Variants in HAT1 observed in about 807,000 individuals in gnomAD.
The protein encoded by HAT1 is histone acetyltransferase 1.
In HAT1, 20 loss-of-function variants were observed where a neutral mutation model predicts 56.6. That is an observed-to-expected ratio of 0.35 (90% confidence interval 0.25 to 0.51). HAT1 has a LOEUF of 0.51. HAT1 is among the 20% of genes least tolerant of loss of function. HAT1 has a pLI of 0.95. For missense variants in HAT1, 408 were observed against 504.3 expected (o/e 0.81, Z 1.83); for synonymous variants, 146 against 165.5 (o/e 0.88, Z 0.91).
chr2:171,963,128 G>A (rs1045071984), intron 4 of HAT1, among the ~76,000 whole-genome samples: 4 of 151,144 alleles, frequency 2.6e-5, no homozygotes, highest in Admixed American at 2.6e-4. Context: ...AAGCGAAGTT[G>A]TAAATTCTAG....
chr2:171,932,840 G>C (rs1021127050), intron 2 of HAT1, among the ~76,000 whole-genome samples: 5 of 152,166 alleles, frequency 3.3e-5, no homozygotes, highest in Admixed American at 1.3e-4. Context: ...CTGCACTCCA[G>C]TCTGGGTGAC....
intron 2 of HAT1, among the ~76,000 whole-genome samples, chr2:171,938,398 A>G (rs1275448206): frequency 6.6e-6 from 1 of 152,100 alleles, no homozygotes; most frequent in African/African-American, 2.4e-5. Context: ...TGGTTTTGGG[A>G]TGATTCAAGC....
rs906886693 is a variant in HAT1, at chr2:171,966,841, A to C, written c.717-2A>C. The C allele has an allele frequency of 7.0e-7, 1 of 1,426,212 alleles. No individual in the cohort carries two copies. Among genetic ancestry groups the C allele is most frequent in the Non-Finnish European group, 9.9e-7 (1 of 1,012,538 alleles). The allele number at this position is 1,426,212 out of a possible 1,614,324, so 88.3% of individuals were successfully genotyped here. ...AATTTTAAAATAATTTCTTTACTGT[A>C]GTCAGATGCTGATTTTGACTCCATT... On this transcript the variant is annotated splice_acceptor_variant, in intron 7 of 10. Transcript: ENST00000264108. LOFTEE classifies it high-confidence loss of function.
At chr2:171,978,658 T>C (rs1313875903) in intron 9 of HAT1, among the ~76,000 whole-genome samples, 2 of 152,192 alleles carry the variant, frequency 1.3e-5, no homozygotes, top group Non-Finnish European at 1.5e-5. Context: ...GCCCTCATCG[T>C]TTTTTATGTG....
At chr2:171,926,890 G>T (rs1462402368) in intron 2 of HAT1, among the ~76,000 whole-genome samples, 1 of 152,212 alleles carries the variant, frequency 6.6e-6, no homozygotes, top group Non-Finnish European at 1.5e-5. Flanking sequence ...CCAAAAAAAT[G>T]TAAGAAACCC....
intron 2 of HAT1, among the ~76,000 whole-genome samples, chr2:171,930,939 GATT>G (rs1469595774): frequency 6.6e-6 from 1 of 151,880 alleles, no homozygotes; most frequent in Non-Finnish European, 1.5e-5. Context: ...TTTAGATGTA[GATT>G]ATTTCAGATT....
At chr2:171,938,076 T>TCTCTA (rs1574039412) in intron 2 of HAT1, among the ~76,000 whole-genome samples, 2 of 63,654 alleles carry the variant, frequency 3.1e-5, no homozygotes, top group Non-Finnish European at 6.5e-5. Flanking sequence ...CTCTCTCTCT[T>TCTCTA]TAAATGAACT....
intron 9 of HAT1, among the ~76,000 whole-genome samples, chr2:171,976,560 T>C (rs1487879011): frequency 1.3e-5 from 2 of 152,196 alleles, no homozygotes; most frequent in Admixed American, 1.3e-4. Flanking sequence ...ATAGGTGTTA[T>C]TGCTATATTA....
chr2:171,948,369 C>T lies in HAT1; in HGVS notation c.188+1586C>T, dbSNP rs541320569. ...CCTCCCAACTAGCTGAGATTACAGGCGCCCGCCACCACACCCAGCTAATTT... is the reference window on the plus strand; with the variant it reads ...CCTCCCAACTAGCTGAGATTACAGGTGCCCGCCACCACACCCAGCTAATTT... On this transcript the variant is annotated intron_variant, in intron 3 of 10. Transcript: ENST00000264108. Among the ~76,000 whole-genome samples the T allele has an allele frequency of 4.6e-5, 7 of 152,200 alleles. No homozygotes were observed. In the East Asian group the frequency reaches 5.8e-4, roughly 13 times the overall value.
rs779584849 is a variant in HAT1, at chr2:171,976,157, C to A, written c.824C>A (p.Ala275Glu). Reference protein sequence around the residue: ...TEFPTVLDITAEDPSKSYVKL... With the variant: ...TEFPTVLDITEEDPSKSYVKL... The stretch of plus-strand genomic sequence containing the variant: ...ATATTATTCTGCTTTATTTATTTAG[C>A]GGAAGATCCATCCAAAAGCTATGTG... The change falls in exon 9 of 11, where the codon GCG becomes GAG. Residue 275 changes from alanine (A) to glutamate (E), a missense_variant and splice_region_variant. By Grantham distance (107) the Ala-to-Glu change is moderately radical (BLOSUM62 -1). Coordinates refer to ENST00000264108, the MANE Select transcript of HAT1 (RefSeq NM_003642.4). 6.6e-7 allele frequency: 1 copy of A among 1,515,324 alleles called. No homozygotes were observed. The highest frequency in any genetic ancestry group is 1.3e-5 in the South Asian group (1 of 78,528). 93.9% of individuals were successfully genotyped at this position (1,515,324 alleles called of 1,614,324 possible). A position where few individuals can be genotyped will look rare whatever the true frequency, so the allele number is the denominator to read the frequency against.
In HAT1 at chr2:171,966,894, T is replaced by C; in HGVS notation, c.768T>C (p.Leu256=). 6.3e-7 allele frequency: 1 copy of C among 1,595,912 alleles called. No homozygotes were observed. The highest frequency in any genetic ancestry group is 1.7e-4 in the Middle Eastern group (1 of 6,012). ...AAGGTCAAGGCCATGGTGCTCAACT[T>C]CTTGAAACAGTTCATAGATACTACA... ...PFQGQGHGAQ[L]LETVHRYYTE... is the part of the protein sequence containing the mutation. Residue 256 remains leucine (L), a synonymous_variant, in exon 8 of 11, where the codon CTT becomes CTC. Coordinates refer to ENST00000264108, the MANE Select transcript of HAT1 (RefSeq NM_003642.4).
chr2:171,942,866 T>G (rs1327556679), intron 2 of HAT1, among the ~76,000 whole-genome samples: 1 of 152,170 alleles, frequency 6.6e-6, no homozygotes, highest in Admixed American at 6.6e-5. Flanking sequence ...TAGAAATTAT[T>G]ATCATAACTA....
intron 8 of HAT1, among the ~76,000 whole-genome samples, chr2:171,974,663 A>G (rs1420319019): frequency 6.6e-6 from 1 of 152,208 alleles, no homozygotes; most frequent in Admixed American, 6.5e-5. Context: ...TTTAGAGGGA[A>G]AGCATTTGGT....
chr2:171,971,670 C>T (rs1687819032), intron 8 of HAT1, among the ~76,000 whole-genome samples: 1 of 152,046 alleles, frequency 6.6e-6, no homozygotes. Context: ...ACTACCAAGC[C>T]GTCATGATTA....
intron 3 of HAT1, among the ~76,000 whole-genome samples, chr2:171,948,430 G>A (rs533202487): frequency 1.3e-5 from 2 of 152,172 alleles, no homozygotes; most frequent in African/African-American, 4.8e-5. Context: ...TCACCATCTT[G>A]GTCAGGTTGG....
chr2:171,963,049 G>A (rs908371242), intron 4 of HAT1, among the ~76,000 whole-genome samples: 1 of 151,520 alleles, frequency 6.6e-6, no homozygotes, highest in African/African-American at 2.4e-5. Flanking sequence ...AGACATGGTA[G>A]TCAGGATTTT....
chr2:171,928,893 T>C (rs183405497), intron 2 of HAT1, among the ~76,000 whole-genome samples: 132 of 152,314 alleles, frequency 8.7e-4, no homozygotes, highest in South Asian at 1.9e-3. Flanking sequence ...TTGTTTCTAG[T>C]TTTTGGCTGT....
At chr2:171,959,903 T>C (rs984757870) in intron 4 of HAT1, among the ~76,000 whole-genome samples, 2 of 152,234 alleles carry the variant, frequency 1.3e-5, no homozygotes, top group Admixed American at 1.3e-4. Context: ...TAAAGCTTAC[T>C]AAGATACAAA....
chr2:171,962,919 A>G lies in HAT1; in HGVS notation c.310-2419A>G, dbSNP rs967735230. ...CATTTTTAACTCTATTCAATTAACA[A>G]TGATTAAATGAGGTCTTGCTCTTGT... On this transcript the variant is annotated intron_variant, in intron 4 of 10. Transcript: ENST00000264108. Among the ~76,000 whole-genome samples the G allele has an allele frequency of 7.2e-5, 11 of 152,204 alleles. No individual in the cohort carries two copies. The East Asian group carries it at 1.9e-3, about 27-fold the overall frequency.
Sources: allele counts gnomAD v4.1 joint callset (sites outside exome capture counted in the v4.1 genomes callset), GRCh38; gene constraint gnomAD v4.1.1; transcripts MANE v1.5; gene names NCBI Gene and HGNC (gene_info 2026-07-23, HGNC 2026-07-21).